Variants in TRAP1 observed in about 807,000 individuals in gnomAD.
TRAP1 encodes the protein TNF receptor associated protein 1.
TRAP1 carries 102 observed loss-of-function variants against 89.1 expected under a neutral mutation model. The ratio of observed to expected loss-of-function variants is 1.15; its 90% confidence interval spans 0.98 to 1.35. TRAP1 has a LOEUF of 1.35. Among genes scored for constraint, TRAP1 ranks in the 40% most tolerant of loss-of-function variants. The pLI is 0.00. For synonymous variants in TRAP1, 508 were observed against 388.0 expected, an observed-to-expected ratio of 1.31 and a Z score of -3.64; for missense variants, 1,256 against 945.3, an observed-to-expected ratio of 1.33 and a Z score of -4.31.
At chr16:3,666,505 T>A (rs1165777981) in intron 11 of TRAP1, among the ~76,000 whole-genome samples, 1 of 151,960 alleles carries the variant, frequency 6.6e-6, no homozygotes, top group Non-Finnish European at 1.5e-5. Flanking sequence ...ATAACAATTA[T>A]GAACAACCTC....
At chr16:3,679,088 G>C (rs563206688) in intron 5 of TRAP1, among the ~76,000 whole-genome samples, 2 of 152,236 alleles carry the variant, frequency 1.3e-5, no homozygotes, top group Admixed American at 1.3e-4. Context: ...GCTGAGGCTG[G>C]AGGATAGCCC....
intron 1 of TRAP1, among the ~76,000 whole-genome samples, chr16:3,692,535 C>CAAA (rs1210401150): frequency 7.3e-5 from 5 of 68,268 alleles, no homozygotes; most frequent in African/African-American, 2.4e-4. Flanking sequence ...CATTCTGTCT[C>CAAA]AAAAAAAAAA....
intron 7 of TRAP1, 130 bp from the exon 8 acceptor site, chr16:3,675,527 AG>A: frequency 1.2e-6 from 1 of 818,536 alleles, no homozygotes; most frequent in Non-Finnish European, 2.0e-6. Flanking sequence ...TCACAGGTAC[AG>A]AAACAGGGCA....
At position 3,664,377 on chromosome 16, in the gene TRAP1, C is replaced by G. The variant is rs149684919; in HGVS notation, c.1466G>C (p.Arg489Pro). 11 of 1,612,244 alleles carry G rather than the reference C, an allele frequency of 6.8e-6. No individual in the cohort carries two copies. The highest frequency in any genetic ancestry group is 8.5e-6 in the Non-Finnish European group (10 of 1,179,358). Residue 489 changes from arginine (R) to proline (P), a missense_variant, in exon 13 of 18, where the codon CGC becomes CCC. Coordinates refer to ENST00000246957, the MANE Select transcript of TRAP1 (RefSeq NM_016292.3). Reference protein sequence around the residue: ...QLTSLSEYASRMRAGTRNIYY... With the variant: ...QLTSLSEYASPMRAGTRNIYY... ...GATGTTGCGGGTGCCGGCCCGCATG[C>G]GGCTGGCGTATTCTGAGAGGCTGGT... is the stretch of plus-strand genomic sequence containing the variant.
chr16:3,680,829 T>G (rs981527417), intron 4 of TRAP1, among the ~76,000 whole-genome samples: 6 of 152,164 alleles, frequency 3.9e-5, no homozygotes, highest in African/African-American at 1.4e-4. Flanking sequence ...ACCTTCTGTA[T>G]GAAGATGCAA....
At chr16:3,671,201 C>A (rs962373666) in intron 11 of TRAP1, among the ~76,000 whole-genome samples, 2 of 152,288 alleles carry the variant, frequency 1.3e-5, no homozygotes, top group Admixed American at 6.5e-5. Context: ...CAATCTACCC[C>A]ACCCTAAACC....
At chr16:3,676,375 C>CG (rs1184367750) in intron 6 of TRAP1, 219 of 5,914 alleles carry the variant, frequency 0.037, no homozygotes, top group Non-Finnish European at 0.093. Flanking sequence ...GGGCGGGGGG[C>CG]GGGGGGGCGG....
At chr16:3,663,069 C>T in intron 14 of TRAP1, 102 bp from the exon 15 acceptor site, 1 of 882,358 alleles carries the variant, frequency 1.1e-6, no homozygotes, top group South Asian at 1.7e-5. Flanking sequence ...CCTCTCCCAC[C>T]AGGATGGAGA....
intron 4 of TRAP1, among the ~76,000 whole-genome samples, chr16:3,683,141 C>G (rs1487453815): frequency 6.6e-6 from 1 of 151,378 alleles, no homozygotes; most frequent in South Asian, 2.1e-4. Flanking sequence ...TGCACTCCAG[C>G]GTGGGCAACA....
At chr16:3,715,213 C>T (rs2051581859) in intron 1 of TRAP1, among the ~76,000 whole-genome samples, 1 of 152,086 alleles carries the variant, frequency 6.6e-6, no homozygotes, top group South Asian at 2.1e-4. Flanking sequence ...CCGAAGTGGG[C>T]GGATCACGAG....
chr16:3,684,036 T>G (rs1044630761), intron 4 of TRAP1, among the ~76,000 whole-genome samples: 9 of 151,700 alleles, frequency 5.9e-5, no homozygotes, highest in African/African-American at 2.2e-4. Context: ...TGTGGTGGCA[T>G]GTGCCTGTAA....
chr16:3,665,839 TG>T, intron 12 of TRAP1, 131 bp downstream of exon 12: 1 of 1,185,250 alleles, frequency 8.4e-7, no homozygotes, highest in Non-Finnish European at 1.2e-6. Flanking sequence ...TTCCTGACCC[TG>T]GTGGCAGCAG....
chr16:3,674,542 C>A, intron 8 of TRAP1, 48 bp from the exon 9 acceptor site: 1 of 1,598,290 alleles, frequency 6.3e-7, no homozygotes, highest in South Asian at 1.1e-5. Context: ...CCACGCACGT[C>A]TTCTCCACCA....
At chr16:3,695,913 G>A (rs1044063129) in intron 1 of TRAP1, among the ~76,000 whole-genome samples, 12 of 152,164 alleles carry the variant, frequency 7.9e-5, no homozygotes, top group Non-Finnish European at 1.0e-4. Flanking sequence ...TAAACCCTGC[G>A]GGGCGGCACT....
At chr16:3,694,624 C>T (rs2051262263) in intron 1 of TRAP1, among the ~76,000 whole-genome samples, 2 of 152,282 alleles carry the variant, frequency 1.3e-5, no homozygotes, top group East Asian at 3.9e-4. Flanking sequence ...AGACGTGAGC[C>T]ACCATACCTG....
At chr16:3,679,569 T>G in intron 5 of TRAP1, 150 bp downstream of exon 5, 1 of 767,564 alleles carries the variant, frequency 1.3e-6, no homozygotes, top group Non-Finnish European at 2.2e-6. Flanking sequence ...GAGGGATGGC[T>G]GTCATGTCAT....
At chr16:3,658,367 C>T (rs144695774) in intron 17 of TRAP1, 137 bp from the exon 18 acceptor site, 6 of 684,562 alleles carry the variant, frequency 8.8e-6, no homozygotes, top group East Asian at 2.7e-5. Flanking sequence ...CTCAGGTGAT[C>T]CCCCCGCCTC....
At chr16:3,707,640 G>C (rs915937103) in intron 1 of TRAP1, among the ~76,000 whole-genome samples, 3 of 150,770 alleles carry the variant, frequency 2.0e-5, no homozygotes, top group Non-Finnish European at 4.4e-5. Flanking sequence ...GATCGCCTGA[G>C]GTCAGGAGTT....
rs2051177881 is a variant in TRAP1 at position 3,689,145 on chromosome 16, T to C, written c.248-8A>G. ...CATGTTTGGAAGTGGAACCTAGTAATGAAACACAGACACAACCAACAAAGT... is the reference window on the plus strand; with the variant it reads ...CATGTTTGGAAGTGGAACCTAGTAACGAAACACAGACACAACCAACAAAGT... On this transcript the variant is annotated splice_polypyrimidine_tract_variant and splice_region_variant and intron_variant, in intron 2 of 17. Transcript: ENST00000246957. 5 of 1,611,360 alleles carry C rather than the reference T, an allele frequency of 3.1e-6. No individual in the cohort carries two copies. Among genetic ancestry groups the C allele is most frequent in the African/African-American group, 2.7e-5 (2 of 74,764 alleles).
Sources: allele counts gnomAD v4.1 joint callset (sites outside exome capture counted in the v4.1 genomes callset), GRCh38; gene constraint gnomAD v4.1.1; transcripts MANE v1.5; gene names NCBI Gene and HGNC (gene_info 2026-07-23, HGNC 2026-07-21).